The following ABCB1 variants were observed in gnomAD, a reference collection of about 807,000 sequenced individuals.
ABCB1 encodes the protein ATP-dependent translocase ABCB1.
ABCB1 carries 69 observed loss-of-function variants against 142.0 expected under a neutral mutation model. That is an observed-to-expected ratio of 0.49 (90% CI 0.40 to 0.59). The LOEUF (loss-of-function observed/expected upper bound fraction) is 0.59, where lower values mean the gene tolerates loss of function less well. Among genes scored for constraint, ABCB1 ranks in the 20% least tolerant of loss-of-function variants. The pLI, the probability that ABCB1 is intolerant of heterozygous loss-of-function variation, is 0.00. For synonymous variants in ABCB1, 532 were observed against 539.2 expected, an observed-to-expected ratio of 0.99 and a Z score of 0.18; for missense variants, 1,326 against 1,554.7, an observed-to-expected ratio of 0.85 and a Z score of 2.47.
chr7:87,651,863 T>C (rs1456752539), intron 1 of ABCB1, among the ~76,000 whole-genome samples: 1 of 152,116 alleles, frequency 6.6e-6, no homozygotes, highest in Non-Finnish European at 1.5e-5. Context: ...ATGAATTCAT[T>C]TATCCCTCTG....
At chr7:87,552,592 T>C (rs1817122997) in intron 9 of ABCB1, among the ~76,000 whole-genome samples, 1 of 151,490 alleles carries the variant, frequency 6.6e-6, no homozygotes, top group Non-Finnish European at 1.5e-5. Context: ...TCAATCACAG[T>C]TAAACAGAAA....
rs1214452761 is a variant in ABCB1 at position 87,561,350 on chromosome 7, T to C, written c.740A>G (p.Tyr247Cys). The C allele has an allele frequency of 1.9e-6, 3 of 1,613,854 alleles. No homozygotes were observed. The South Asian group carries it at 3.3e-5, about 18-fold the overall frequency. The change falls in exon 8 of 28, where the codon TAT becomes TGT. Residue 247 changes from tyrosine to cysteine, a missense_variant. Physicochemically the swap from Tyr to Cys is radical, Grantham distance 194. Transcript: ENST00000622132. ...SSFTDKELLAYAKAGAVAEEV... is the reference protein window; with the variant it reads ...SSFTDKELLACAKAGAVAEEV... Reference sequence around the variant, plus strand: ...TTCAGCTACTGCTCCAGCTTTTGCATACGCTAAGAGTTCTTTATCAGTAAA... The same window carrying C: ...TTCAGCTACTGCTCCAGCTTTTGCACACGCTAAGAGTTCTTTATCAGTAAA...
At chr7:87,524,974 T>G (rs927559127) in intron 21 of ABCB1, among the ~76,000 whole-genome samples, 1 of 152,174 alleles carries the variant, frequency 6.6e-6, no homozygotes, top group Non-Finnish European at 1.5e-5. Flanking sequence ...GGTTTGTAAA[T>G]GTCATTGCTT....
chr7:87,505,784 G>GTGA, intron 27 of ABCB1, 113 bp downstream of exon 27: 1 of 1,273,652 alleles, frequency 7.9e-7, no homozygotes. Context: ...TTACTGAAAG[G>GTGA]TGATGTAAGT....
chr7:87,544,381 T>TG, intron 16 of ABCB1, 106 bp from the exon 17 acceptor site: 8 of 1,112,414 alleles, frequency 7.2e-6, no homozygotes, highest in South Asian at 1.4e-5. Flanking sequence ...CCTTATTCCT[T>TG]ATCAATGAAT....
chr7:87,538,586 CG>C (rs1383222226), intron 19 of ABCB1, among the ~76,000 whole-genome samples: 1 of 152,088 alleles, frequency 6.6e-6, no homozygotes, highest in Non-Finnish European at 1.5e-5. Flanking sequence ...ATTTTTAAAA[CG>C]GAAAGTTATT....
At chr7:87,506,268 T>C (rs1041498608) in intron 26 of ABCB1, 22 of 539,114 alleles carry the variant, frequency 4.1e-5, no homozygotes, top group Non-Finnish European at 6.6e-5. Context: ...TATGTTTTAG[T>C]GTAAACAGGT....
chr7:87,556,584 TC>T (rs1407887038), intron 8 of ABCB1, among the ~76,000 whole-genome samples: 1 of 152,152 alleles, frequency 6.6e-6, no homozygotes, highest in Non-Finnish European at 1.5e-5. Flanking sequence ...TCAAGTTATA[TC>T]CCAAATCTAG....
intron 1 of ABCB1, among the ~76,000 whole-genome samples, chr7:87,623,430 C>T (rs1040995115): frequency 5.9e-5 from 9 of 152,146 alleles, no homozygotes; most frequent in African/African-American, 2.2e-4. Context: ...TTTGTGAGAC[C>T]CATCAAGGTA....
chr7:87,632,454 A>T (rs1017401080), intron 1 of ABCB1, among the ~76,000 whole-genome samples: 5 of 152,156 alleles, frequency 3.3e-5, no homozygotes, highest in African/African-American at 1.2e-4. Context: ...TCCTTATTTC[A>T]TCAGATAAGT....
chr7:87,634,156 A>G (rs1468800369), intron 1 of ABCB1, among the ~76,000 whole-genome samples: 3 of 152,130 alleles, frequency 2.0e-5, no homozygotes, highest in African/African-American at 7.2e-5. Context: ...CTGGCTCACT[A>G]GTGGGTGATA....
At chr7:87,629,833 G>A (rs1821018964) in intron 1 of ABCB1, among the ~76,000 whole-genome samples, 1 of 151,682 alleles carries the variant, frequency 6.6e-6, no homozygotes, top group Non-Finnish European at 1.5e-5. Context: ...GGGTGAGGCA[G>A]GAGAATCGAT....
intron 1 of ABCB1, among the ~76,000 whole-genome samples, chr7:87,636,862 A>G (rs1014944136): frequency 2.6e-5 from 4 of 152,130 alleles, no homozygotes; most frequent in Admixed American, 1.3e-4. Context: ...TTTATGAAGG[A>G]AAGAGGTTTA....
chr7:87,700,295 G>T, intron 1 of ABCB1: 1 of 696,366 alleles, frequency 1.4e-6, no homozygotes, highest in Non-Finnish European at 2.3e-6. Flanking sequence ...CACCTAGATT[G>T]GTGGTGCCCT....
chr7:87,570,336 C>T (rs1817995506), intron 4 of ABCB1, 113 bp from the exon 5 acceptor site: 13 of 1,038,190 alleles, frequency 1.3e-5, no homozygotes, highest in Middle Eastern at 2.1e-4. Context: ...AAAAATAGGT[C>T]GAACTGACTC....
intron 1 of ABCB1, among the ~76,000 whole-genome samples, chr7:87,708,831 T>C (rs771825456): frequency 2.0e-5 from 3 of 152,170 alleles, no homozygotes; most frequent in Admixed American, 6.5e-5. Flanking sequence ...ACTCACACAA[T>C]TATTGGGAGG....
upstream of ABCB1, among the ~76,000 whole-genome samples, chr7:87,602,057 G>C (rs933862650): frequency 1.9e-4 from 29 of 152,044 alleles, no homozygotes; most frequent in African/African-American, 7.0e-4. Context: ...GCAGTGGCAG[G>C]ATCTCGGCTC....
rs989584849 is a variant in ABCB1, at chr7:87,549,802, C to A, written c.1554+49G>T. The stretch of plus-strand genomic sequence containing the variant: ...CCTAACTTCCTGCATAGTAGGCCTG[C>A]ATTTTATTTTTTGCACCTCTAGAAA... On this transcript the variant is annotated intron_variant, in intron 13 of 27. Transcript: ENST00000622132. 4.4e-6 allele frequency: 7 copies of A among 1,589,094 alleles called. No individual in the cohort carries two copies. The African/African-American group carries it at 5.4e-5, about 12-fold the overall frequency.
intron 4 of ABCB1, 143 bp from the exon 5 acceptor site, chr7:87,570,366 C>T (rs763308353): frequency 4.0e-5 from 32 of 801,010 alleles, no homozygotes; most frequent in Non-Finnish European, 6.6e-5. Flanking sequence ...TGTGTGTAAG[C>T]ATTATGGCAT....
Sources: gnomAD v4.1 joint callset for allele counts (sites outside exome capture counted in the v4.1 genomes callset) on GRCh38, gnomAD v4.1.1 for gene constraint, MANE v1.5 for transcripts, NCBI Gene and HGNC (gene_info 2026-07-23, HGNC 2026-07-21) for gene names.